MGAT4C: variants seen among roughly 807,000 people sequenced by gnomAD.
MGAT4C encodes the protein alpha-1,3-mannosyl-glycoprotein 4-beta-N-acetylglucosaminyltransferase C.
Under a neutral mutation model 40.1 loss-of-function variants are expected in MGAT4C, and 19 were observed. The ratio of observed to expected loss-of-function variants is 0.47; its 90% CI spans 0.33 to 0.70. The LOEUF (loss-of-function observed/expected upper bound fraction) is 0.70. Ranked by LOEUF, MGAT4C falls within the 30% of genes least tolerant of loss-of-function variation. MGAT4C has a pLI of 0.02. For synonymous variants in MGAT4C, 181 were observed against 187.1 expected (o/e 0.97, Z 0.27); for missense variants, 491 against 563.2 (o/e 0.87, Z 1.30).
chr12:86,290,207 C>T (rs1037657351), intron 4 of MGAT4C, among the ~76,000 whole-genome samples: 1 of 152,074 alleles, frequency 6.6e-6, no homozygotes, highest in African/African-American at 2.4e-5. Context: ...CCACTGTGCC[C>T]AGCTAATTTT....
intron 2 of MGAT4C, among the ~76,000 whole-genome samples, chr12:86,595,313 C>T (rs1961491083): frequency 6.6e-6 from 1 of 151,976 alleles, no homozygotes; most frequent in Admixed American, 6.6e-5. Flanking sequence ...GGAGGATAAC[C>T]TGAGGTCAGG....
At chr12:86,795,441 G>A (rs989163221) in intron 1 of MGAT4C, among the ~76,000 whole-genome samples, 3 of 151,916 alleles carry the variant, frequency 2.0e-5, no homozygotes, top group African/African-American at 7.2e-5. Flanking sequence ...GCATATTGTA[G>A]CAAAATTTCT....
At chr12:86,353,284 C>T (rs1346234206) in intron 3 of MGAT4C, among the ~76,000 whole-genome samples, 1 of 152,082 alleles carries the variant, frequency 6.6e-6, no homozygotes, top group Non-Finnish European at 1.5e-5. Flanking sequence ...TTATGTCACA[C>T]TCTCTTCCGC....
intron 2 of MGAT4C, among the ~76,000 whole-genome samples, chr12:86,679,993 A>T (rs979573455): frequency 6.6e-6 from 1 of 151,890 alleles, no homozygotes; most frequent in African/African-American, 2.4e-5. Context: ...GCCTTGATAA[A>T]ATGTCACTGA....
chr12:86,590,036 C>T (rs1961257012), intron 2 of MGAT4C, among the ~76,000 whole-genome samples: 1 of 151,878 alleles, frequency 6.6e-6, no homozygotes. Context: ...TCGTAGGATG[C>T]TGATGGATGC....
intron 2 of MGAT4C, among the ~76,000 whole-genome samples, chr12:86,446,557 C>G (rs1957337292): frequency 6.7e-6 from 1 of 149,684 alleles, no homozygotes; most frequent in African/African-American, 2.4e-5. Context: ...TGCTTTTTTA[C>G]TCACTTTCTT....
Position 86,303,822 on chromosome 12 carries a change from A to G in MGAT4C, c.-57+30243T>C. Among the ~76,000 whole-genome samples the G allele has an allele frequency of 1.3e-5, 2 of 150,512 alleles. 1 individual carries two copies. Among genetic ancestry groups the G allele is most frequent in the African/African-American group, 5.0e-5 (2 of 39,942 alleles). On this transcript the variant is annotated intron_variant, in intron 4 of 7. Coordinates refer to the MGAT4C transcript ENST00000548651. ...TTTTCAATGGATTAAATATCTAAGAATGTGGTAATTTTTACTTTGTTACGT... is the reference window on the plus strand; with the variant it reads ...TTTTCAATGGATTAAATATCTAAGAGTGTGGTAATTTTTACTTTGTTACGT...
chr12:86,623,232 C>T (rs1962693359), intron 2 of MGAT4C, among the ~76,000 whole-genome samples: 1 of 152,062 alleles, frequency 6.6e-6, no homozygotes, highest in Admixed American at 6.6e-5. Context: ...CATCATAGAT[C>T]AGGACCAAGA....
intron 3 of MGAT4C, among the ~76,000 whole-genome samples, chr12:86,421,733 C>T (rs1439293114): frequency 6.6e-6 from 1 of 152,108 alleles, no homozygotes; most frequent in Non-Finnish European, 1.5e-5. Context: ...GCCGAGATTG[C>T]GCCACTGCAC....
intron 3 of MGAT4C, among the ~76,000 whole-genome samples, chr12:86,434,352 A>C (rs1957098841): frequency 1.3e-5 from 2 of 152,064 alleles, no homozygotes; most frequent in South Asian, 4.1e-4. Context: ...ACATTGCTTT[A>C]ATATGTAAAT....
intron 2 of MGAT4C, among the ~76,000 whole-genome samples, chr12:86,526,330 C>T (rs1462501898): frequency 6.6e-6 from 1 of 152,062 alleles, no homozygotes; most frequent in Non-Finnish European, 1.5e-5. Context: ...CCTGCTGCAG[C>T]AGTGGCAGGG....
intron 1 of MGAT4C, among the ~76,000 whole-genome samples, chr12:86,731,922 AG>A (rs1458651169): frequency 6.6e-6 from 1 of 152,142 alleles, no homozygotes; most frequent in Non-Finnish European, 1.5e-5. Flanking sequence ...CTAGAAGTCA[AG>A]ATAGGTATAG....
In MGAT4C at chr12:86,707,027, C is replaced by T. The variant is rs111665429; in HGVS notation, c.-229+20182G>A. On this transcript the variant is annotated intron_variant, in intron 2 of 7. Coordinates refer to the MGAT4C transcript ENST00000548651. The stretch of plus-strand genomic sequence containing the variant: ...TAAGATGTGACTTGCTCCTCCTTGC[C>T]TTCTGCCATGATGGTGGGGCTTCTG... 7.7e-4 allele frequency among the ~76,000 whole-genome samples: 117 copies of T among 152,338 alleles called. 2 individuals are homozygous for T. Among genetic ancestry groups the T allele is most frequent in the African/African-American group, 2.8e-3 (116 of 41,580 alleles).
chr12:86,507,597 C>G (rs1023074337), intron 2 of MGAT4C, among the ~76,000 whole-genome samples: 4 of 152,046 alleles, frequency 2.6e-5, no homozygotes, highest in Non-Finnish European at 5.9e-5. Flanking sequence ...TGCATTTAAC[C>G]CCTCATGTGG....
At chr12:86,169,144 T>C (rs1187999179) in intron 1 of MGAT4C, among the ~76,000 whole-genome samples, 1 of 152,158 alleles carries the variant, frequency 6.6e-6, no homozygotes. Context: ...GCAGAGAGAA[T>C]GCATCACTTT....
chr12:86,106,191 T>C (rs1385392664), intron 1 of MGAT4C, among the ~76,000 whole-genome samples: 2 of 152,214 alleles, frequency 1.3e-5, no homozygotes, highest in African/African-American at 2.4e-5. Flanking sequence ...TTAGTTTTTA[T>C]CTTTTTTTGA....
At chr12:86,365,242 C>T (rs146318387) in intron 3 of MGAT4C, among the ~76,000 whole-genome samples, 1,572 of 152,274 alleles carry the variant, frequency 0.01, 19 homozygotes, top group East Asian at 0.045. Context: ...CTGTTCCGCC[C>T]GGCTCACCGG....
chr12:86,404,182 C>CA (rs1227589934), intron 3 of MGAT4C, among the ~76,000 whole-genome samples: 2 of 151,344 alleles, frequency 1.3e-5, no homozygotes, highest in African/African-American at 2.4e-5. Flanking sequence ...GATCCTGTCT[C>CA]AAAAAAAATT....
chr12:86,412,223 G>T (rs61949516), intron 3 of MGAT4C, among the ~76,000 whole-genome samples: 15,906 of 152,270 alleles, frequency 0.1, 1,034 homozygotes, highest in Middle Eastern at 0.25. Context: ...CACTTCCTAG[G>T]GGAGCTGTGA....
Sources: gnomAD v4.1 joint callset for allele counts (sites outside exome capture counted in the v4.1 genomes callset) on GRCh38, gnomAD v4.1.1 for gene constraint, MANE v1.5 for transcripts, NCBI Gene and HGNC (gene_info 2026-07-23, HGNC 2026-07-21) for gene names.